The following FABP7 variants were observed in gnomAD, a reference collection of about 807,000 sequenced individuals.
The protein encoded by FABP7 is fatty acid-binding protein, brain.
In FABP7, 13 loss-of-function variants were observed where a neutral mutation model predicts 14.2. The ratio of observed to expected loss-of-function variants is 0.91; its 90% confidence interval spans 0.59 to 1.45. The LOEUF (loss-of-function observed/expected upper bound fraction) is 1.45. Among genes scored for constraint, FABP7 ranks in the 40% most tolerant of loss-of-function variants. The probability of loss-of-function intolerance (pLI) is 0.00; values close to 1 mark genes in which losing one functional copy is unlikely to be tolerated. For missense variants in FABP7, 149 were observed against 157.6 expected, an observed-to-expected ratio of 0.95 and a Z score of 0.29; for synonymous variants, 49 against 51.4, an observed-to-expected ratio of 0.95 and a Z score of 0.20.
chr6:122,774,779 A>T (rs1181135540), upstream of FABP7, among the ~76,000 whole-genome samples: 1 of 152,088 alleles, frequency 6.6e-6, no homozygotes, highest in Non-Finnish European at 1.5e-5. Context: ...TCCAAAAAAA[A>T]AAAAAAGGTT....
the FABP7 span, among the ~76,000 whole-genome samples, chr6:122,759,082 G>T: frequency 1.3e-5 from 2 of 152,104 alleles, no homozygotes; most frequent in African/African-American, 4.8e-5. Flanking sequence ...AGGGCCACTA[G>T]GTTTCACATA....
At chr6:122,750,175 A>T in the FABP7 span, among the ~76,000 whole-genome samples, 116 of 152,226 alleles carry the variant, frequency 7.6e-4, 1 homozygote, top group African/African-American at 2.7e-3. Context: ...ATATTTCATG[A>T]GATAATTTTT....
chr6:122,753,559 C>T, the FABP7 span, among the ~76,000 whole-genome samples: 2 of 152,124 alleles, frequency 1.3e-5, no homozygotes, highest in African/African-American at 4.8e-5. Flanking sequence ...AGCTCCTACA[C>T]ACAGTGGGTA....
At chr6:122,767,758 A>G in the FABP7 span, among the ~76,000 whole-genome samples, 1 of 147,616 alleles carries the variant, frequency 6.8e-6, no homozygotes, top group African/African-American at 2.4e-5. Flanking sequence ...CTAAAAGGAA[A>G]AAAAAAAAAA....
At chr6:122,770,884 G>A in the FABP7 span, among the ~76,000 whole-genome samples, 1 of 152,208 alleles carries the variant, frequency 6.6e-6, no homozygotes, top group Non-Finnish European at 1.5e-5. Flanking sequence ...CTCTGCAGAA[G>A]CAGCAGAGGG....
chr6:122,754,214 G>T, the FABP7 span, among the ~76,000 whole-genome samples: 1 of 151,970 alleles, frequency 6.6e-6, no homozygotes, highest in Non-Finnish European at 1.5e-5. Flanking sequence ...TCCACAAAGT[G>T]GTTTCTGCCT....
the FABP7 span, among the ~76,000 whole-genome samples, chr6:122,760,364 A>G: frequency 1.3e-5 from 2 of 152,148 alleles, no homozygotes; most frequent in Non-Finnish European, 2.9e-5. Context: ...TAACCATTCC[A>G]GCTTCCTTAT....
the FABP7 span, among the ~76,000 whole-genome samples, chr6:122,771,154 C>T: frequency 1.3e-5 from 2 of 152,278 alleles, no homozygotes; most frequent in East Asian, 3.9e-4. Context: ...AAAGCAGGTT[C>T]CTGATTCCCA....
chr6:122,749,534 A>G, the FABP7 span, among the ~76,000 whole-genome samples: 3 of 152,214 alleles, frequency 2.0e-5, no homozygotes, highest in African/African-American at 2.4e-5. Flanking sequence ...AAAATGGAAT[A>G]ACGTGACTTA....
At chr6:122,757,676 C>T in the FABP7 span, among the ~76,000 whole-genome samples, 5 of 151,764 alleles carry the variant, frequency 3.3e-5, no homozygotes, top group Admixed American at 6.6e-5. Context: ...CAAAGAAATA[C>T]GTTACTATAT....
the FABP7 span, among the ~76,000 whole-genome samples, chr6:122,764,403 G>A: frequency 3.9e-5 from 6 of 152,052 alleles, no homozygotes; most frequent in Non-Finnish European, 7.4e-5. Flanking sequence ...TGGGGGGAGT[G>A]GGGAGGGATG....
At chr6:122,764,477 T>G in the FABP7 span, among the ~76,000 whole-genome samples, 1 of 152,058 alleles carries the variant, frequency 6.6e-6, no homozygotes, top group Non-Finnish European at 1.5e-5. Flanking sequence ...ACATGGCACA[T>G]GTATACATAT....
chr6:122,775,625 A>C (rs1780658589), upstream of FABP7, among the ~76,000 whole-genome samples: 2 of 152,074 alleles, frequency 1.3e-5, no homozygotes, highest in South Asian at 4.1e-4. Context: ...GTAAGACCTC[A>C]AATGCACAGG....
In FABP7 at chr6:122,783,977, T is replaced by G. The variant is rs547789599; in HGVS notation, c.*210T>G. 8.1e-6 allele frequency: 3 copies of G among 370,306 alleles called. No individual in the cohort carries two copies. Among genetic ancestry groups the G allele is most frequent in the South Asian group, 6.3e-5 (1 of 15,876 alleles). 22.9% of individuals were successfully genotyped at this position (370,306 alleles called of 1,614,324 possible). A position where few individuals can be genotyped will look rare whatever the true frequency, so the allele number is the denominator to read the frequency against. On this transcript the variant is annotated 3_prime_UTR_variant, in exon 4 of 4. Coordinates refer to ENST00000368444, the MANE Select transcript of FABP7 (RefSeq NM_001446.5). Reference sequence around the variant, plus strand: ...CATGTTTTATAATTTGAATTAAAGTTTTGTCCCCCCCCCCCTTTTTTTTAT... The same window carrying G: ...CATGTTTTATAATTTGAATTAAAGTGTTGTCCCCCCCCCCCTTTTTTTTAT...
At chr6:122,755,190 A>G in the FABP7 span, among the ~76,000 whole-genome samples, 2 of 152,152 alleles carry the variant, frequency 1.3e-5, no homozygotes, top group African/African-American at 2.4e-5. Flanking sequence ...CATATATCAT[A>G]AAGTCACTTG....
the FABP7 span, among the ~76,000 whole-genome samples, chr6:122,767,096 A>C: frequency 6.6e-6 from 1 of 152,112 alleles, no homozygotes; most frequent in Non-Finnish European, 1.5e-5. Flanking sequence ...AAACATTATT[A>C]TGCAATATTA....
Position 122,783,927 on chromosome 6 carries a change from G to A in FABP7, c.*160G>A. 2.0e-6 allele frequency: 1 copy of A among 501,390 alleles called. No homozygotes were observed. Among genetic ancestry groups the A allele is most frequent in the East Asian group, 3.6e-5 (1 of 27,544 alleles). 31.1% of individuals were successfully genotyped at this position (501,390 alleles called of 1,614,324 possible). On this transcript the variant is annotated 3_prime_UTR_variant, in exon 4 of 4. Transcript: ENST00000368444. ...AAAAACTTGTTACTCCAAGCAACTT[G>A]CCCAATTTTAATCTGAAAATTTATC...
chr6:122,780,307 T>C lies in FABP7; in HGVS notation c.90T>C (p.Thr30=), dbSNP rs1406514307. The stretch of plus-strand genomic sequence containing the variant: ...CTATTTTAGGCGTGGGCTTTGCCAC[T>C]AGGCAGGTGGGAAATGTGACCAAAC... ...YMKALGVGFA[T]RQVGNVTKPT... The change falls in exon 2 of 4, where the codon ACT becomes ACC. Residue 30 remains threonine, a synonymous_variant. Transcript: ENST00000368444. 1.2e-6 allele frequency: 2 copies of C among 1,614,106 alleles called. No individual in the cohort carries two copies. Among genetic ancestry groups the C allele is most frequent in the Non-Finnish European group, 1.7e-6 (2 of 1,180,024 alleles).
At chr6:122,749,412 T>A in the FABP7 span, among the ~76,000 whole-genome samples, 3 of 152,226 alleles carry the variant, frequency 2.0e-5, no homozygotes, top group Non-Finnish European at 4.4e-5. Flanking sequence ...ATGACCATAA[T>A]GATAATAGTG....
Sources: allele counts gnomAD v4.1 joint callset (sites outside exome capture counted in the v4.1 genomes callset), GRCh38; gene constraint gnomAD v4.1.1; transcripts MANE v1.5; gene names NCBI Gene and HGNC (gene_info 2026-07-23, HGNC 2026-07-21).